RBFOX1: variants seen among roughly 807,000 people sequenced by gnomAD.
The protein encoded by RBFOX1 is RNA binding fox-1 homolog 1.
RBFOX1 carries 8 observed loss-of-function variants against 57.7 expected under a neutral mutation model. The ratio of observed to expected loss-of-function variants is 0.14; its 90% CI spans 0.08 to 0.25. The LOEUF is 0.25. RBFOX1 is among the 10% of genes least tolerant of loss of function. The probability of loss-of-function intolerance (pLI) is 1.00; values close to 1 mark genes in which losing one functional copy is unlikely to be tolerated. For missense variants in RBFOX1, 611 were observed against 548.5 expected (o/e 1.11, Z -1.14); for synonymous variants, 326 against 222.4 (o/e 1.47, Z -4.15).
At chr16:5,769,498 A>T in intron 3 of RBFOX1, among the ~76,000 whole-genome samples, 1 of 151,942 alleles carries the variant, frequency 6.6e-6, no homozygotes, top group Non-Finnish European at 1.5e-5. Flanking sequence ...AAAAAAAAAA[A>T]AAAAATTAGC....
At chr16:7,324,348 G>A (rs1425474363) in intron 4 of RBFOX1, among the ~76,000 whole-genome samples, 1 of 152,076 alleles carries the variant, frequency 6.6e-6, no homozygotes, top group Non-Finnish European at 1.5e-5. Context: ...GTTAGGAGTG[G>A]CCTCTGTGTC....
At chr16:7,505,242 C>G (rs1316179609) in intron 4 of RBFOX1, among the ~76,000 whole-genome samples, 1 of 114,076 alleles carries the variant, frequency 8.8e-6, no homozygotes, top group African/African-American at 3.0e-5. Context: ...AGTGATGGAC[C>G]AAAAAAAAAA....
intron 3 of RBFOX1, among the ~76,000 whole-genome samples, chr16:6,750,965 A>G (rs1048227884): frequency 2.6e-5 from 4 of 152,114 alleles, no homozygotes; most frequent in Admixed American, 6.6e-5. Context: ...GGTCTGAGTG[A>G]TATGAAGGTG....
intron 4 of RBFOX1, among the ~76,000 whole-genome samples, chr16:6,007,945 G>A (rs1034050705): frequency 7.2e-5 from 11 of 152,160 alleles, no homozygotes; most frequent in African/African-American, 2.4e-4. Flanking sequence ...AGGTGCAGTG[G>A]CTCACATCTG....
At chr16:7,173,177 C>G (rs1010552697) in intron 4 of RBFOX1, among the ~76,000 whole-genome samples, 3 of 152,196 alleles carry the variant, frequency 2.0e-5, no homozygotes, top group African/African-American at 7.2e-5. Context: ...AATCATACAA[C>G]TGTTTTATTA....
chr16:6,268,964 A>C lies in RBFOX1; in HGVS notation c.-126-48031A>C, dbSNP rs185596702. ...TGGCATAGTGTTTGCATATAACCTA[A>C]AAACATCCTCCTGTATGCTTTGTGG... On this transcript the variant is annotated intron_variant, in intron 1 of 15. Coordinates refer to ENST00000550418, the MANE Select transcript of RBFOX1 (RefSeq NM_018723.4). Among the ~76,000 whole-genome samples, 872 of 152,326 alleles carry C rather than the reference A, an allele frequency of 5.7e-3. 7 individuals are homozygous for C. The highest frequency in any genetic ancestry group is 0.014 in the Middle Eastern group (4 of 294).
chr16:7,024,872 A>C (rs954504496), intron 3 of RBFOX1, among the ~76,000 whole-genome samples: 2 of 152,192 alleles, frequency 1.3e-5, no homozygotes, highest in African/African-American at 2.4e-5. Flanking sequence ...AGAAAACTAC[A>C]GATGGAAGGG....
chr16:7,505,378 G>C (rs899099510), intron 4 of RBFOX1, among the ~76,000 whole-genome samples: 2 of 152,120 alleles, frequency 1.3e-5, no homozygotes, highest in Non-Finnish European at 1.5e-5. Flanking sequence ...AGGGTCCTCT[G>C]AGACCCTGGA....
At chr16:6,084,106 C>T (rs554489876) in intron 1 of RBFOX1, among the ~76,000 whole-genome samples, 3 of 152,190 alleles carry the variant, frequency 2.0e-5, no homozygotes, top group South Asian at 2.1e-4. Context: ...GCTTTTCAAT[C>T]TGTAAATACG....
intron 2 of RBFOX1, among the ~76,000 whole-genome samples, chr16:6,422,407 C>A (rs2093800974): frequency 6.6e-6 from 1 of 152,170 alleles, no homozygotes; most frequent in East Asian, 1.9e-4. Context: ...CCTGTCTTTC[C>A]CCTCCAGTGG....
At chr16:5,768,362 G>A (rs1385294669) in intron 3 of RBFOX1, among the ~76,000 whole-genome samples, 3 of 152,154 alleles carry the variant, frequency 2.0e-5, no homozygotes, top group South Asian at 2.1e-4. Context: ...AGAGTCCTAC[G>A]GCTGTTTTTT....
At chr16:7,079,288 G>T (rs531838848) in intron 4 of RBFOX1, among the ~76,000 whole-genome samples, 1 of 152,296 alleles carries the variant, frequency 6.6e-6, no homozygotes, top group South Asian at 2.1e-4. Flanking sequence ...CTTGCAAACT[G>T]AGGGTTGGGC....
At chr16:5,331,135 C>T (rs1596542451) in intron 1 of RBFOX1, among the ~76,000 whole-genome samples, 1 of 151,992 alleles carries the variant, frequency 6.6e-6, no homozygotes, top group South Asian at 2.1e-4. Flanking sequence ...CATTTTTGGT[C>T]CGCTGTATAA....
chr16:7,198,459 A>G (rs1293397422), intron 4 of RBFOX1, among the ~76,000 whole-genome samples: 1 of 152,242 alleles, frequency 6.6e-6, no homozygotes, highest in Non-Finnish European at 1.5e-5. Context: ...CTCCATTGCA[A>G]AAGAGATAAA....
At chr16:6,719,827 T>A (rs1300206658) in intron 3 of RBFOX1, among the ~76,000 whole-genome samples, 1 of 152,036 alleles carries the variant, frequency 6.6e-6, no homozygotes, top group East Asian at 1.9e-4. Context: ...GCATGGCTGC[T>A]CACACCTGTA....
At chr16:6,402,280 G>A (rs973290327) in intron 2 of RBFOX1, among the ~76,000 whole-genome samples, 5 of 151,972 alleles carry the variant, frequency 3.3e-5, no homozygotes, top group African/African-American at 1.2e-4. Context: ...AATAAACTTC[G>A]GAAGCTTCCT....
At chr16:7,534,689 G>T (rs2081056333) in intron 5 of RBFOX1, among the ~76,000 whole-genome samples, 1 of 152,132 alleles carries the variant, frequency 6.6e-6, no homozygotes. Flanking sequence ...TTTAGCCGGG[G>T]GAATGACAGG....
At chr16:6,887,307 G>GCTTT (rs2064292683) in intron 3 of RBFOX1, among the ~76,000 whole-genome samples, 1 of 152,146 alleles carries the variant, frequency 6.6e-6, no homozygotes, top group Non-Finnish European at 1.5e-5. Context: ...GTTATAAAGG[G>GCTTT]CTTTGATGGT....
At chr16:5,852,611 C>T (rs2056924811) in intron 3 of RBFOX1, among the ~76,000 whole-genome samples, 1 of 152,098 alleles carries the variant, frequency 6.6e-6, no homozygotes, top group Non-Finnish European at 1.5e-5. Context: ...CCTGATCAAC[C>T]AATGCTTGAT....
Sources: allele counts gnomAD v4.1 joint callset (sites outside exome capture counted in the v4.1 genomes callset), GRCh38; gene constraint gnomAD v4.1.1; transcripts MANE v1.5; gene names NCBI Gene and HGNC (gene_info 2026-07-23, HGNC 2026-07-21).